BBOX1: variants seen among roughly 807,000 people sequenced by gnomAD.
BBOX1 encodes gamma-butyrobetaine dioxygenase.
In BBOX1, 35 loss-of-function variants were observed where a neutral mutation model predicts 41.6. The observed-to-expected ratio is 0.84, with a 90% CI of 0.64 to 1.11. The LOEUF (loss-of-function observed/expected upper bound fraction) is 1.11, where lower values mean the gene tolerates loss of function less well. Ranked by LOEUF, BBOX1 falls within the 50% of genes most tolerant of loss-of-function variation. The pLI is 0.00. For missense variants in BBOX1, 458 were observed against 460.6 expected (o/e 0.99, Z 0.05); for synonymous variants, 163 against 154.7 (o/e 1.05, Z -0.40).
chr11:27,111,996 G>A (rs558705117), intron 5 of BBOX1, among the ~76,000 whole-genome samples: 3 of 152,020 alleles, frequency 2.0e-5, no homozygotes, highest in Non-Finnish European at 4.4e-5. Flanking sequence ...TTATGTGTCT[G>A]GCAATACAAG....
chr11:27,057,241 A>C lies in BBOX1; in HGVS notation c.260A>C (p.Gln87Pro), dbSNP rs1857013897. Reference protein sequence around the residue: ...TWPDEHYSEFQADWLKKRCFS... With the variant: ...TWPDEHYSEFPADWLKKRCFS... ...CCCGATGAGCATTACAGTGAATTCC[A>C]GGCTGATTGGCTGAAGAAAAGATGC... is the stretch of plus-strand genomic sequence containing the variant. Residue 87 changes from glutamine to proline, a missense_variant, in exon 4 of 9, where the codon CAG becomes CCG. Physicochemically the swap from Gln to Pro is moderately conservative, Grantham distance 76. Coordinates refer to ENST00000263182, the MANE Select transcript of BBOX1 (RefSeq NM_003986.3). 6.2e-7 allele frequency: 1 copy of C among 1,612,066 alleles called. No individual in the cohort carries two copies. The highest frequency in any genetic ancestry group is 2.2e-5 in the East Asian group (1 of 44,822).
Position 27,083,278 on chromosome 11 carries a change from G to C in BBOX1, c.335-9890G>C, listed in dbSNP as rs548564541. Among the ~76,000 whole-genome samples, 3 of 152,168 alleles carry C rather than the reference G, an allele frequency of 2.0e-5. No individual in the cohort carries two copies. In the South Asian group the frequency reaches 6.2e-4, roughly 32 times the overall value. ...CTTCAGTGTTGGGCTACACAAGTTG[G>C]GGAGGAAGGAAAGGAGCAATATTGG... On this transcript the variant is annotated intron_variant, in intron 4 of 8. Transcript: ENST00000263182.
intron 8 of BBOX1, among the ~76,000 whole-genome samples, chr11:27,126,179 G>A (rs1859644514): frequency 6.6e-6 from 1 of 152,058 alleles, no homozygotes; most frequent in Admixed American, 6.6e-5. Context: ...TATTTTTTCT[G>A]GACCATCTCT....
At chr11:27,057,952 A>T (rs1300917942) in intron 4 of BBOX1, among the ~76,000 whole-genome samples, 1 of 152,166 alleles carries the variant, frequency 6.6e-6, no homozygotes, top group South Asian at 2.1e-4. Flanking sequence ...CTGAGCAAAG[A>T]AGCAAAATAA....
At chr11:27,075,174 G>A (rs778113736) in intron 4 of BBOX1, among the ~76,000 whole-genome samples, 2 of 152,086 alleles carry the variant, frequency 1.3e-5, no homozygotes, top group African/African-American at 4.8e-5. Flanking sequence ...TGACTTTAAT[G>A]TTTATAGTTT....
At chr11:27,095,423 C>T (rs1858406320) in intron 5 of BBOX1, among the ~76,000 whole-genome samples, 1 of 151,822 alleles carries the variant, frequency 6.6e-6, no homozygotes, top group Non-Finnish European at 1.5e-5. Context: ...AATAATTTGG[C>T]CACTGATCTA....
chr11:27,075,765 G>A (rs1386655533), intron 4 of BBOX1, among the ~76,000 whole-genome samples: 3 of 152,192 alleles, frequency 2.0e-5, no homozygotes, highest in African/African-American at 7.2e-5. Flanking sequence ...CTCCTCTTGT[G>A]GGGATCCAGT....
intron 4 of BBOX1, among the ~76,000 whole-genome samples, chr11:27,090,702 T>C (rs1325903976): frequency 1.3e-5 from 2 of 151,852 alleles, no homozygotes; most frequent in Non-Finnish European, 2.9e-5. Context: ...GCAGAGTTTT[T>C]CCCCACACTA....
intron 5 of BBOX1, among the ~76,000 whole-genome samples, chr11:27,108,276 A>G (rs1858934970): frequency 1.3e-5 from 2 of 152,242 alleles, no homozygotes. Flanking sequence ...TGGCTAGAGT[A>G]AAATTCTGTC....
chr11:27,112,599 C>A (rs1487428414), intron 5 of BBOX1, among the ~76,000 whole-genome samples: 1 of 151,782 alleles, frequency 6.6e-6, no homozygotes, highest in Non-Finnish European at 1.5e-5. Context: ...AACTGGATAG[C>A]CATAAGAAGA....
chr11:27,104,537 C>T (rs2134069424), intron 5 of BBOX1, among the ~76,000 whole-genome samples: 1 of 152,252 alleles, frequency 6.6e-6, no homozygotes, highest in East Asian at 1.9e-4. Flanking sequence ...TCTCTCTTTA[C>T]TTTATATCTT....
intron 4 of BBOX1, among the ~76,000 whole-genome samples, chr11:27,090,913 T>C (rs1257945042): frequency 6.6e-6 from 1 of 151,938 alleles, no homozygotes; most frequent in Non-Finnish European, 1.5e-5. Context: ...ATAGGCTCTC[T>C]GCAAGAAGAA....
At chr11:27,060,262 C>A (rs1161695850) in intron 4 of BBOX1, among the ~76,000 whole-genome samples, 1 of 152,052 alleles carries the variant, frequency 6.6e-6, no homozygotes, top group Non-Finnish European at 1.5e-5. Flanking sequence ...AGGTGTGTAG[C>A]AACACCTCCC....
chr11:27,060,753 T>G (rs1457317609), intron 4 of BBOX1, among the ~76,000 whole-genome samples: 2 of 152,208 alleles, frequency 1.3e-5, no homozygotes, highest in Non-Finnish European at 2.9e-5. Context: ...AGACCAGCCA[T>G]GTCAAGAATT....
intron 4 of BBOX1, among the ~76,000 whole-genome samples, chr11:27,092,113 G>A (rs1858266891): frequency 6.6e-6 from 1 of 151,902 alleles, no homozygotes; most frequent in South Asian, 2.1e-4. Flanking sequence ...TGCAGAAACA[G>A]CTATGCTGAC....
At chr11:27,070,135 A>G (rs1412968283) in intron 4 of BBOX1, among the ~76,000 whole-genome samples, 1 of 152,094 alleles carries the variant, frequency 6.6e-6, no homozygotes, top group African/African-American at 2.4e-5. Flanking sequence ...AGGGTACTTG[A>G]TATAATTTTG....
intron 2 of BBOX1, among the ~76,000 whole-genome samples, chr11:27,051,618 T>C (rs1210263448): frequency 6.6e-6 from 1 of 152,078 alleles, no homozygotes; most frequent in African/African-American, 2.4e-5. Context: ...TAACTGTTCA[T>C]AGTAGTCTCT....
intron 4 of BBOX1, among the ~76,000 whole-genome samples, chr11:27,060,954 T>C (rs535255609): frequency 1.5e-4 from 23 of 152,324 alleles, no homozygotes; most frequent in African/African-American, 5.5e-4. Context: ...GAGTCTCCAA[T>C]TACATAATTT....
At chr11:27,060,981 G>A (rs1232273381) in intron 4 of BBOX1, among the ~76,000 whole-genome samples, 3 of 152,096 alleles carry the variant, frequency 2.0e-5, no homozygotes, top group Non-Finnish European at 4.4e-5. Context: ...GATTGTCTGG[G>A]TCACATCGCA....
Sources: gnomAD v4.1 joint callset for allele counts (sites outside exome capture counted in the v4.1 genomes callset) on GRCh38, gnomAD v4.1.1 for gene constraint, MANE v1.5 for transcripts, NCBI Gene and HGNC (gene_info 2026-07-23, HGNC 2026-07-21) for gene names.